Variants in SLC1A1 observed in about 807,000 individuals in gnomAD.
SLC1A1 encodes excitatory amino acid transporter 3.
Under a neutral mutation model 53.3 loss-of-function variants are expected in SLC1A1, and 43 were observed. The ratio of observed to expected loss-of-function variants is 0.81; its 90% CI spans 0.63 to 1.04. SLC1A1 has a LOEUF of 1.04. SLC1A1 is among the 50% of genes least tolerant of loss of function. SLC1A1 has a pLI of 0.00. For synonymous variants in SLC1A1, 307 were observed against 243.2 expected (o/e 1.26, Z -2.44); for missense variants, 748 against 664.9 (o/e 1.12, Z -1.37).
chr9:4,559,576 G>A (rs1818736364), intron 2 of SLC1A1, among the ~76,000 whole-genome samples: 1 of 151,980 alleles, frequency 6.6e-6, no homozygotes, highest in African/African-American at 2.4e-5. Context: ...TTTTAGTGTG[G>A]GAAATGAACA....
chr9:4,550,056 C>G (rs544938850), intron 2 of SLC1A1, among the ~76,000 whole-genome samples: 1 of 152,204 alleles, frequency 6.6e-6, no homozygotes, highest in Non-Finnish European at 1.5e-5. Context: ...AAAACTCCCT[C>G]CTTTCCCTCC....
chr9:4,525,241 C>T (rs2130839502), intron 1 of SLC1A1, among the ~76,000 whole-genome samples: 1 of 152,196 alleles, frequency 6.6e-6, no homozygotes, highest in East Asian at 1.9e-4. Flanking sequence ...TGCCATTTGT[C>T]CATGGCTAAA....
chr9:4,509,416 G>T (rs1047235255), intron 1 of SLC1A1, among the ~76,000 whole-genome samples: 18 of 152,116 alleles, frequency 1.2e-4, no homozygotes, highest in Non-Finnish European at 1.9e-4. Flanking sequence ...GAATAACTGG[G>T]AAGCTATTAG....
chr9:4,530,069 A>G (rs191996318), intron 1 of SLC1A1, among the ~76,000 whole-genome samples: 127 of 152,332 alleles, frequency 8.3e-4, no homozygotes, highest in Non-Finnish European at 1.4e-3. Context: ...ACCATAAATA[A>G]TGGAAAGTGA....
chr9:4,570,815 G>A (rs146154807), intron 6 of SLC1A1, among the ~76,000 whole-genome samples: 1 of 151,948 alleles, frequency 6.6e-6, no homozygotes, highest in African/African-American at 2.4e-5. Flanking sequence ...AGGCTGAGGT[G>A]AGAGGATCAC....
intron 2 of SLC1A1, among the ~76,000 whole-genome samples, chr9:4,548,717 T>C (rs1248211716): frequency 6.6e-6 from 1 of 152,148 alleles, no homozygotes; most frequent in Non-Finnish European, 1.5e-5. Context: ...TATAGTTGTA[T>C]AAGAAAATGT....
Position 4,566,100 on chromosome 9 carries a change from T to C in SLC1A1, c.483+11T>C, listed in dbSNP as rs375340254. ...GCCTGTTTTCAGCAGGTAATATTAA[T>C]TACTTGTGCCCTTAACTTGCTACCC... On this transcript the variant is annotated intron_variant, in intron 5 of 11. Coordinates refer to ENST00000262352, the MANE Select transcript of SLC1A1 (RefSeq NM_004170.6). 7.5e-6 allele frequency: 12 copies of C among 1,608,562 alleles called. No individual in the cohort carries two copies. Among genetic ancestry groups the C allele is most frequent in the Non-Finnish European group, 1.0e-5 (12 of 1,175,040 alleles).
rs780232610 is a variant in SLC1A1, at chr9:4,490,651, G to A, written c.-29G>A. ...TCGCCCAGCCCACGCGCGCACGGCC[G>A]AGCCCAGCGCACAATAGCGGCGACA... is the stretch of plus-strand genomic sequence containing the variant. On this transcript the variant is annotated 5_prime_UTR_variant, in exon 1 of 12. Transcript: ENST00000262352. 1.1e-5 allele frequency: 18 copies of A among 1,597,712 alleles called. No homozygotes were observed. The Admixed American group carries it at 2.5e-4, about 22-fold the overall frequency.
At chr9:4,497,107 A>C (rs1267468615) in intron 1 of SLC1A1, among the ~76,000 whole-genome samples, 3 of 152,026 alleles carry the variant, frequency 2.0e-5, no homozygotes, top group African/African-American at 7.3e-5. Context: ...ACAAATTACC[A>C]CAAACCGGGT....
intron 1 of SLC1A1, among the ~76,000 whole-genome samples, chr9:4,497,402 C>T (rs1336222179): frequency 1.3e-5 from 2 of 152,188 alleles, no homozygotes; most frequent in Non-Finnish European, 2.9e-5. Context: ...GCCTCCCTCA[C>T]CAATTCAGGA....
At chr9:4,537,709 G>C (rs1018838189) in intron 1 of SLC1A1, among the ~76,000 whole-genome samples, 5 of 151,934 alleles carry the variant, frequency 3.3e-5, no homozygotes, top group African/African-American at 1.2e-4. Flanking sequence ...TATAGGAAAT[G>C]CCAGATTAGG....
chr9:4,536,753 T>A (rs577031820), intron 1 of SLC1A1, among the ~76,000 whole-genome samples: 1 of 152,220 alleles, frequency 6.6e-6, no homozygotes, highest in African/African-American at 2.4e-5. Context: ...TGTATGTTTA[T>A]TGCAGCATTA....
intron 1 of SLC1A1, among the ~76,000 whole-genome samples, chr9:4,499,064 A>C (rs1236885636): frequency 3.0e-5 from 3 of 101,014 alleles, no homozygotes; most frequent in African/African-American, 1.4e-4. Flanking sequence ...TTTTTTTTTG[A>C]GAACAAGTCT....
At chr9:4,557,932 G>A (rs1382371253) in intron 2 of SLC1A1, among the ~76,000 whole-genome samples, 1 of 152,124 alleles carries the variant, frequency 6.6e-6, no homozygotes, top group African/African-American at 2.4e-5. Context: ...TAGCCTTTCT[G>A]AGCTATAGTT....
intron 1 of SLC1A1, among the ~76,000 whole-genome samples, chr9:4,520,522 G>T (rs1586707841): frequency 6.6e-6 from 1 of 152,078 alleles, no homozygotes; most frequent in East Asian, 1.9e-4. Flanking sequence ...ATGGACTTTT[G>T]TGACTGGCTT....
chr9:4,547,593 AC>A (rs1248524167), intron 2 of SLC1A1, among the ~76,000 whole-genome samples: 1 of 152,198 alleles, frequency 6.6e-6, no homozygotes, highest in African/African-American at 2.4e-5. Flanking sequence ...ATTGGAACAA[AC>A]TTTCTGGAGA....
Position 4,555,655 on chromosome 9 carries a change from C to T in SLC1A1, c.233-5794C>T, listed in dbSNP as rs139153784. Among the ~76,000 whole-genome samples, 10 of 152,260 alleles carry T rather than the reference C, an allele frequency of 6.6e-5. No individual in the cohort carries two copies. In the East Asian group the frequency reaches 1.4e-3, roughly 21 times the overall value. Reference sequence around the variant, plus strand: ...TTTATCCCTGTTTCTAGGCCACAGCCGAGCCTCAAAACTGTCCCAGGTTCT... The same window carrying T: ...TTTATCCCTGTTTCTAGGCCACAGCTGAGCCTCAAAACTGTCCCAGGTTCT... On this transcript the variant is annotated intron_variant, in intron 2 of 11. Transcript: ENST00000262352.
intron 1 of SLC1A1, among the ~76,000 whole-genome samples, chr9:4,491,777 C>T (rs1820245311): frequency 2.6e-5 from 4 of 152,220 alleles, no homozygotes; most frequent in Non-Finnish European, 5.9e-5. Context: ...CAGGCTCCAC[C>T]TTCCCCTTGG....
intron 1 of SLC1A1, among the ~76,000 whole-genome samples, chr9:4,542,456 C>T (rs2130874932): frequency 6.6e-6 from 1 of 152,246 alleles, no homozygotes; most frequent in East Asian, 1.9e-4. Context: ...TAATTAGAGG[C>T]ACAGTTAATC....
Sources: gnomAD v4.1 joint callset for allele counts (sites outside exome capture counted in the v4.1 genomes callset) on GRCh38, gnomAD v4.1.1 for gene constraint, MANE v1.5 for transcripts, NCBI Gene and HGNC (gene_info 2026-07-23, HGNC 2026-07-21) for gene names.